The following BLM variants were observed in gnomAD, a reference collection of about 807,000 sequenced individuals.
BLM encodes the protein recQ-like DNA helicase BLM.
BLM carries 95 observed loss-of-function variants against 135.3 expected under a neutral mutation model. The observed-to-expected ratio is 0.70, with a 90% CI of 0.59 to 0.83. The LOEUF is 0.83. Among genes scored for constraint, BLM ranks in the 40% least tolerant of loss-of-function variants. BLM has a pLI of 0.00. For synonymous variants in BLM, 520 were observed against 589.2 expected, an observed-to-expected ratio of 0.88 and a Z score of 1.70; for missense variants, 1,518 against 1,663.9, an observed-to-expected ratio of 0.91 and a Z score of 1.53.
At position 90,749,518 on chromosome 15, in the gene BLM, C is replaced by T; in HGVS notation, c.250C>T (p.Gln84Ter). ...SEPLPNTTNQQRVKDFFKNAP... is the reference protein window; with the variant it reads ...SEPLPNTTNQ ...ACCTCTACCCAACACCACAAATCAG[C>T]AAAGGGTCAAGGACTTCTTTAAAAA... The change falls in exon 3 of 22, where the codon CAA (glutamine) becomes TAA (stop). Residue 84 changes from glutamine to a stop codon, truncating the protein, a stop_gained. Coordinates refer to ENST00000355112, the MANE Select transcript of BLM (RefSeq NM_000057.4). LOFTEE classifies it high-confidence loss of function. 1.2e-6 allele frequency: 2 copies of T among 1,614,152 alleles called. No homozygotes were observed. Among genetic ancestry groups the T allele is most frequent in the Non-Finnish European group, 1.7e-6 (2 of 1,180,010 alleles).
intron 16 of BLM, among the ~76,000 whole-genome samples, chr15:90,795,580 A>G (rs1897010486): frequency 6.6e-6 from 1 of 152,162 alleles, no homozygotes; most frequent in Non-Finnish European, 1.5e-5. Context: ...TGGCAAATTC[A>G]TGCCATCTCC....
chr15:90,811,158 G>A, intron 20 of BLM, 47 bp from the exon 21 acceptor site: 2 of 1,596,994 alleles, frequency 1.3e-6, no homozygotes. Flanking sequence ...AAAAACACGT[G>A]GACCAGTGCG....
rs1256767816 is a variant in BLM at position 90,735,691 on chromosome 15, A to T, written c.-4-11698A>T. Among the ~76,000 whole-genome samples, 4 of 152,156 alleles carry T rather than the reference A, an allele frequency of 2.6e-5. No individual in the cohort carries two copies. The East Asian group carries it at 7.7e-4, about 29-fold the overall frequency. ...AGGAATAAACTCCAAATGAACCAGA[A>T]ATCTAATTTTTTTTAAATTACCTAC... On this transcript the variant is annotated intron_variant, in intron 1 of 21. Transcript: ENST00000355112.
At position 90,718,573 on chromosome 15, in the gene BLM, T is replaced by C. The variant is rs147488150; in HGVS notation, c.-5+1133T>C. ...AGTATTCTGTTTGGGGAATAGTAAA[T>C]AGAATTAATTAAATCAACATTTTGT... On this transcript the variant is annotated intron_variant, in intron 1 of 21. Coordinates refer to ENST00000355112, the MANE Select transcript of BLM (RefSeq NM_000057.4). 1.2e-3 allele frequency among the ~76,000 whole-genome samples: 179 copies of C among 152,270 alleles called. 6 individuals are homozygous for C. The highest frequency in any genetic ancestry group is 2.4e-4 in the Non-Finnish European group (16 of 68,014).
At chr15:90,804,640 T>G (rs1009783686) in intron 19 of BLM, among the ~76,000 whole-genome samples, 4 of 152,002 alleles carry the variant, frequency 2.6e-5, no homozygotes, top group African/African-American at 9.7e-5. Context: ...ATTTTTGTAT[T>G]TTTTCGTAGA....
rs1896142555 is a variant in BLM, at chr15:90,766,892, T to C, written c.2194-18T>C. 6.8e-7 allele frequency: 1 copy of C among 1,480,752 alleles called. No homozygotes were observed. The highest frequency in any genetic ancestry group is 1.4e-5 in the African/African-American group (1 of 72,122). The allele number at this position is 1,480,752 out of a possible 1,614,324, so 91.7% of individuals were successfully genotyped here. A position where few individuals can be genotyped will look rare whatever the true frequency, so the allele number is the denominator to read the frequency against. Reference sequence around the variant, plus strand: ...GTTAATGTATAAAATTGAAATTGTTTACTACTTTTATACTTAGATTCCAGC... The same window carrying C: ...GTTAATGTATAAAATTGAAATTGTTCACTACTTTTATACTTAGATTCCAGC... On this transcript the variant is annotated intron_variant, in intron 9 of 21. Transcript: ENST00000355112.
intron 16 of BLM, among the ~76,000 whole-genome samples, chr15:90,795,994 G>A (rs1226827577): frequency 6.6e-6 from 1 of 152,196 alleles, no homozygotes. Context: ...AGGCCCTAAG[G>A]TGGGGGTGTG....
chr15:90,758,849 A>C (rs1040038552), intron 5 of BLM, among the ~76,000 whole-genome samples: 25 of 152,186 alleles, frequency 1.6e-4, no homozygotes, highest in African/African-American at 5.8e-4. Flanking sequence ...GCCTTGTGTC[A>C]GATGCCTACT....
intron 19 of BLM, among the ~76,000 whole-genome samples, chr15:90,805,421 T>C (rs1343808616): frequency 6.6e-6 from 1 of 151,514 alleles, no homozygotes. Context: ...CAGATATTTG[T>C]ATATAACACA....
At chr15:90,809,287 A>G (rs1373388441) in intron 20 of BLM, 28 bp downstream of exon 20, 1 of 1,613,956 alleles carries the variant, frequency 6.2e-7, no homozygotes, top group Non-Finnish European at 8.5e-7. Flanking sequence ...TGTGTTCTCT[A>G]AAAGCCTGTT....
In BLM at chr15:90,749,369, G is replaced by A; in HGVS notation, c.101G>A (p.Gly34Asp). ...CTAGTTTTTCCATTATTTTTCAGAG[G>A]TTTCACTTTTAAAAAGAAAACATCT... is the stretch of plus-strand genomic sequence containing the variant. ...KLSLSKPKFSGFTFKKKTSSD... is the reference protein window; with the variant it reads ...KLSLSKPKFSDFTFKKKTSSD... Residue 34 changes from glycine to aspartate, a missense_variant and splice_region_variant, in exon 3 of 22, where the codon GGT (glycine) becomes GAT (aspartate). Around this residue, in one of 5 missense-constraint regions of BLM, gnomAD observed 724 missense variants for 756.9 expected, o/e 0.96. Transcript: ENST00000355112. The A allele has an allele frequency of 6.3e-7, 1 of 1,596,102 alleles. No individual in the cohort carries two copies. The highest frequency in any genetic ancestry group is 8.6e-7 in the Non-Finnish European group (1 of 1,165,372).
At chr15:90,769,090 T>C (rs772763469) in intron 10 of BLM, 43 bp from the exon 11 acceptor site, 2 of 1,387,912 alleles carry the variant, frequency 1.4e-6, no homozygotes, top group African/African-American at 1.4e-5. Flanking sequence ...CATGAGGTGA[T>C]GTGTTTCAGT....
intron 1 of BLM, among the ~76,000 whole-genome samples, chr15:90,722,947 TCTC>T (rs927753168): frequency 5.9e-5 from 9 of 152,096 alleles, no homozygotes; most frequent in African/African-American, 2.2e-4. Flanking sequence ...TTCAAGCAAT[TCTC>T]CTGCCTCAGC....
chr15:90,767,958 T>C (rs1252082655), intron 10 of BLM, among the ~76,000 whole-genome samples: 2 of 151,860 alleles, frequency 1.3e-5, no homozygotes, highest in East Asian at 3.9e-4. Flanking sequence ...TTTTCTTTTT[T>C]TTTTTTTGAG....
In BLM at chr15:90,756,491, T is replaced by G. The variant is rs77331447; in HGVS notation, c.1087+1553T>G. On this transcript the variant is annotated intron_variant, in intron 5 of 21. Coordinates refer to ENST00000355112, the MANE Select transcript of BLM (RefSeq NM_000057.4). The stretch of plus-strand genomic sequence containing the variant: ...AAATAGTTACACACCGTCATAGAAT[T>G]AGCCTCAGAGCTAGGATCTGAACAC... Among the ~76,000 whole-genome samples, 60 of 152,364 alleles carry G rather than the reference T, an allele frequency of 3.9e-4. 2 individuals are homozygous for G. In the East Asian group the frequency reaches 0.01, roughly 25 times the overall value.
chr15:90,806,640 G>A (rs2151196823), intron 19 of BLM, among the ~76,000 whole-genome samples: 1 of 152,248 alleles, frequency 6.6e-6, no homozygotes, highest in East Asian at 1.9e-4. Flanking sequence ...ACTGGTCTGA[G>A]TTATTTCCAT....
At position 90,747,523 on chromosome 15, in the gene BLM, G is replaced by T. The variant is rs28384975; in HGVS notation, c.98+33G>T. ...TTTTGACTGGTTTGCTGTCACATAGGCACTAACTTACCACATTGTACACAT... is the reference window on the plus strand; with the variant it reads ...TTTTGACTGGTTTGCTGTCACATAGTCACTAACTTACCACATTGTACACAT... On this transcript the variant is annotated intron_variant, in intron 2 of 21. Coordinates refer to ENST00000355112, the MANE Select transcript of BLM (RefSeq NM_000057.4). 8.7e-3 allele frequency: 11,826 copies of T among 1,355,726 alleles called. 71 individuals carry two copies. Among genetic ancestry groups the T allele is most frequent in the Non-Finnish European group, 0.011 (10,489 of 956,650 alleles). The allele number at this position is 1,355,726 out of a possible 1,614,324, so 84.0% of individuals were successfully genotyped here. A position where few individuals can be genotyped will look rare whatever the true frequency, so the allele number is the denominator to read the frequency against.
At chr15:90,798,424 TG>T (rs1897085984) in intron 17 of BLM, 87 bp downstream of exon 17, 12 of 1,426,852 alleles carry the variant, frequency 8.4e-6, no homozygotes, top group Admixed American at 2.1e-5. Flanking sequence ...AAAAACTTTT[TG>T]TCTATTTTCT....
intron 1 of BLM, among the ~76,000 whole-genome samples, chr15:90,747,119 C>T (rs1291402026): frequency 6.6e-6 from 1 of 151,008 alleles, no homozygotes; most frequent in East Asian, 1.9e-4. Context: ...CTTATTTTAG[C>T]ATTGTGGAGG....
Sources: allele counts gnomAD v4.1 joint callset (sites outside exome capture counted in the v4.1 genomes callset), GRCh38; gene constraint gnomAD v4.1.1; regional missense constraint gnomAD v4.1.1; transcripts MANE v1.5; gene names NCBI Gene and HGNC (gene_info 2026-07-23, HGNC 2026-07-21).